Variants in ITIH6 observed in about 807,000 individuals in gnomAD.
The protein encoded by ITIH6 is inter-alpha-trypsin inhibitor heavy chain family member 6.
In ITIH6, 60 loss-of-function variants were observed where a neutral mutation model predicts 58.2. The observed-to-expected ratio is 1.03, with a 90% confidence interval of 0.84 to 1.28. The LOEUF is 1.28. ITIH6 is among the 50% of genes most tolerant of loss of function. The probability of loss-of-function intolerance (pLI) is 0.00; values close to 1 mark genes in which losing one functional copy is unlikely to be tolerated. For missense variants in ITIH6, 1,290 were observed against 1,021.1 expected (o/e 1.26, Z -3.59); for synonymous variants, 493 against 417.4 (o/e 1.18, Z -2.21).
chrX:54,765,133 T>G (rs1928743679), intron 6 of ITIH6, among the ~76,000 whole-genome samples: 1 of 32,532 alleles, frequency 3.1e-5, no homozygotes, highest in East Asian at 9.1e-4. Context: ...TAAATTTGTT[T>G]GAGTTCATTG....
intron 5 of ITIH6, among the ~76,000 whole-genome samples, chrX:54,774,548 G>A (rs986422788): frequency 1.4e-4 from 16 of 112,926 alleles, no homozygotes; most frequent in African/African-American, 5.1e-4. Flanking sequence ...TATTTTGCCT[G>A]GGCTGCAGGA....
At chrX:54,750,862 C>T in intron 12 of ITIH6, 141 bp downstream of exon 12, 1 of 627,597 alleles carries the variant, frequency 1.6e-6, no homozygotes, top group Non-Finnish European at 2.4e-6. Flanking sequence ...GGTCTGTCCT[C>T]TCCCAAGATG....
intron 6 of ITIH6, among the ~76,000 whole-genome samples, chrX:54,768,784 C>T (rs1298687813): frequency 6.9e-5 from 7 of 101,909 alleles, no homozygotes; most frequent in Admixed American, 3.1e-4. Context: ...GAGGGTAACC[C>T]GACCTTTCTC....
chrX:54,797,152 G>T (rs1929458675), intron 1 of ITIH6, 56 bp from the exon 2 acceptor site: 2 of 1,073,264 alleles, frequency 1.9e-6, no homozygotes, highest in African/African-American at 3.7e-5. Flanking sequence ...CAGCCTAGAT[G>T]GGCTAGTCTT....
intron 5 of ITIH6, among the ~76,000 whole-genome samples, chrX:54,786,453 C>T (rs769838521): frequency 6.3e-5 from 7 of 111,982 alleles, no homozygotes; most frequent in Non-Finnish European, 1.1e-4. Flanking sequence ...ATGTTCCTTT[C>T]GTTGCCCTGC....
At chrX:54,770,346 G>A (rs180905897) in intron 6 of ITIH6, among the ~76,000 whole-genome samples, 30 of 112,651 alleles carry the variant, frequency 2.7e-4, no homozygotes, top group African/African-American at 5.8e-4. Context: ...CTTATGCGTC[G>A]CTCACGCTGG....
In ITIH6 at chrX:54,751,283, G is replaced by T; in HGVS notation, c.3450C>A (p.Asp1150Glu). ...TYFQIITVTT[D>E]KPRAYTITIS... ...TGGTGATAGTATAGGCCCGGGGTTTGTCTGTAGTGACTGTGATGATCTGGA... is the reference window on the plus strand; with the variant it reads ...TGGTGATAGTATAGGCCCGGGGTTTTTCTGTAGTGACTGTGATGATCTGGA... Residue 1150 changes from aspartate (D) to glutamate (E), a missense_variant, in exon 12 of 13, where the codon GAC (aspartate) becomes GAA (glutamate). Transcript: ENST00000218436. 1 of 1,211,946 alleles carries T rather than the reference G, an allele frequency of 8.3e-7. No homozygotes were observed. The highest frequency in any genetic ancestry group is 1.1e-6 in the Non-Finnish European group (1 of 895,464).
chrX:54,754,451 C>A (rs778573378), intron 9 of ITIH6, among the ~76,000 whole-genome samples: 16 of 111,945 alleles, frequency 1.4e-4, no homozygotes, highest in Non-Finnish European at 2.8e-4. Context: ...TGGGGCCTGA[C>A]CTAATCACGT....
In ITIH6 at chrX:54,777,464, C is replaced by T. The variant is rs1365880570; in HGVS notation, c.787-3267G>A. 1.1e-4 allele frequency among the ~76,000 whole-genome samples: 12 copies of T among 112,345 alleles called. 1 individual carries two copies. The highest frequency in any genetic ancestry group is 7.4e-4 in the South Asian group (2 of 2,718). ...CCCCAGGGTCTTGAGTGAACATAGG[C>T]GGAAGCCAGGATGTGGTTACAGCAG... On this transcript the variant is annotated intron_variant, in intron 5 of 12. Transcript: ENST00000218436.
At chrX:54,765,650 G>C (rs1928764889) in intron 6 of ITIH6, among the ~76,000 whole-genome samples, 1 of 95,370 alleles carries the variant, frequency 1.0e-5, no homozygotes, top group African/African-American at 4.0e-5. Context: ...AGGCCAGACT[G>C]CGGACTGCAG....
chrX:54,786,553 C>T (rs1370509312), intron 5 of ITIH6, among the ~76,000 whole-genome samples: 1 of 111,330 alleles, frequency 9.0e-6, no homozygotes. Context: ...TCCATACACA[C>T]GTTTGGTGAG....
Position 54,757,081 on chromosome X carries a change from C to A in ITIH6, c.2993G>T (p.Ser998Ile). ...TAGCTCCTCAGGGAGAAGGAGCAGA[C>A]TGATGGCCTCAGGGAGGATGCTAGA... ...LPSSILPEAI[S>I]LLLLPEELEL... is the part of the protein sequence containing the mutation. Residue 998 changes from serine (S) to isoleucine (I), a missense_variant, in exon 8 of 13, where the codon AGT becomes ATT. Ser to Ile is a moderately radical substitution (Grantham distance 142). Transcript: ENST00000218436. The A allele has an allele frequency of 8.3e-7, 1 of 1,211,213 alleles. No individual in the cohort carries two copies. The highest frequency in any genetic ancestry group is 1.1e-6 in the Non-Finnish European group (1 of 895,036).
intron 6 of ITIH6, among the ~76,000 whole-genome samples, chrX:54,764,611 A>G (rs1281745337): frequency 9.8e-6 from 1 of 101,977 alleles, no homozygotes; most frequent in Non-Finnish European, 2.0e-5. Flanking sequence ...ATGGCTGCAT[A>G]GTATTCCATG....
chrX:54,778,684 G>A (rs1929096950), intron 5 of ITIH6, among the ~76,000 whole-genome samples: 1 of 111,534 alleles, frequency 9.0e-6, no homozygotes, highest in Non-Finnish European at 1.9e-5. Flanking sequence ...GCCCTAATGA[G>A]GAGATAGAGA....
chrX:54,765,774 A>G (rs1435305080), intron 6 of ITIH6, among the ~76,000 whole-genome samples: 3 of 109,484 alleles, frequency 2.7e-5, no homozygotes, highest in Non-Finnish European at 3.8e-5. Context: ...TAACAGTACC[A>G]TGCTGTTTTG....
At position 54,751,315 on chromosome X, in the gene ITIH6, T is replaced by C. The variant is rs200095572; in HGVS notation, c.3418A>G (p.Thr1140Ala). The C allele has an allele frequency of 8.2e-5, 99 of 1,209,965 alleles. No individual in the cohort carries two copies. Among genetic ancestry groups the C allele is most frequent in the Non-Finnish European group, 1.1e-4 (95 of 895,050 alleles). ...PRPGHKDQTRTYFQIITVTTD... is the reference protein window; with the variant it reads ...PRPGHKDQTRAYFQIITVTTD... ...GTGACTGTGATGATCTGGAAGTAGGTGCGAGTCTGGTCCTTGTGGCCCGGC... is the reference window on the plus strand; with the variant it reads ...GTGACTGTGATGATCTGGAAGTAGGCGCGAGTCTGGTCCTTGTGGCCCGGC... Residue 1140 changes from threonine (T) to alanine (A), a missense_variant, in exon 12 of 13, where the codon ACC becomes GCC. Physicochemically the swap from Thr to Ala is moderately conservative, Grantham distance 58. Coordinates refer to ENST00000218436, the MANE Select transcript of ITIH6 (RefSeq NM_198510.3).
Position 54,774,385 on chromosome X carries a change from C to A in ITIH6, c.787-188G>T, listed in dbSNP as rs140626229. ...CTCCTTCACTAGAACCGTGTCTCAG[C>A]TCTTCAGACCTTCATCCCGGGGCCT... On this transcript the variant is annotated intron_variant, in intron 5 of 12. Transcript: ENST00000218436. Among the ~76,000 whole-genome samples the A allele has an allele frequency of 9.8e-3, 1,104 of 112,884 alleles. 10 individuals carry two copies. The highest frequency in any genetic ancestry group is 0.016 in the Admixed American group (173 of 10,762).
At position 54,797,074 on chromosome X, in the gene ITIH6, A is replaced by T; in HGVS notation, c.125T>A (p.Met42Lys). The T allele has an allele frequency of 8.3e-7, 1 of 1,210,535 alleles. No homozygotes were observed. The highest frequency in any genetic ancestry group is 1.1e-6 in the Non-Finnish European group (1 of 894,706). Reference sequence around the variant, plus strand: ...ATAGCGAGACACCACCGTGGAGCGCATAGAATAGCTTGTCATTAACAACTG... The same window carrying T: ...ATAGCGAGACACCACCGTGGAGCGCTTAGAATAGCTTGTCATTAACAACTG... ...STKLLMTSYS[M>K]RSTVVSRYAH... Residue 42 changes from methionine to lysine, a missense_variant, in exon 2 of 13, where the codon ATG becomes AAG. Met to Lys is a moderately conservative substitution (Grantham distance 95, BLOSUM62 -1). Transcript: ENST00000218436.
intron 6 of ITIH6, among the ~76,000 whole-genome samples, chrX:54,762,582 T>G (rs1003109261): frequency 8.9e-6 from 1 of 112,142 alleles, no homozygotes; most frequent in Non-Finnish European, 1.9e-5. Context: ...TCCCTTTATT[T>G]ATTCACATCT....
Sources: allele counts gnomAD v4.1 joint callset (sites outside exome capture counted in the v4.1 genomes callset), GRCh38; gene constraint gnomAD v4.1.1; transcripts MANE v1.5; gene names NCBI Gene and HGNC (gene_info 2026-07-23, HGNC 2026-07-21).